Variants in RIGI observed in about 807,000 individuals in gnomAD.
The protein encoded by RIGI is RNA sensor RIG-I, also known as antiviral innate immune response receptor RIG-I.
the RIGI span, among the ~76,000 whole-genome samples, chr9:32,505,540 G>A: frequency 6.6e-6 from 1 of 152,066 alleles, no homozygotes; most frequent in Non-Finnish European, 1.5e-5. Context: ...GGACTTCATA[G>A]TTTTCTTCAT....
At chr9:32,498,009 G>C in the RIGI span, among the ~76,000 whole-genome samples, 3 of 152,138 alleles carry the variant, frequency 2.0e-5, no homozygotes, top group African/African-American at 7.2e-5. Flanking sequence ...GAGAAACAGT[G>C]CTTTCTCTGA....
the RIGI span, chr9:32,467,906 T>C: frequency 1.9e-6 from 3 of 1,608,310 alleles, no homozygotes; most frequent in Non-Finnish European, 2.6e-6. Flanking sequence ...GCATCCAATA[T>C]ACACTTCTGT....
At chr9:32,510,995 G>A in the RIGI span, among the ~76,000 whole-genome samples, 2 of 151,410 alleles carry the variant, frequency 1.3e-5, no homozygotes, top group African/African-American at 4.9e-5. Context: ...GAGAAAGAAG[G>A]GCATTATATA....
chr9:32,468,302 C>T, the RIGI span, among the ~76,000 whole-genome samples: 10 of 152,346 alleles, frequency 6.6e-5, no homozygotes, highest in South Asian at 2.1e-3. Context: ...AACATTTTCA[C>T]ATCTTCTCAC....
chr9:32,508,626 G>T, the RIGI span, among the ~76,000 whole-genome samples: 2 of 152,064 alleles, frequency 1.3e-5, no homozygotes, highest in African/African-American at 4.8e-5. Flanking sequence ...GATTCCCTCC[G>T]GTGCCTATGC....
chr9:32,498,322 G>C, the RIGI span: 2 of 456,578 alleles, frequency 4.4e-6, no homozygotes, highest in African/African-American at 2.0e-5. Flanking sequence ...CTGCCCAGGT[G>C]CATGCTTCTA....
the RIGI span, among the ~76,000 whole-genome samples, chr9:32,501,965 T>G: frequency 1.3e-5 from 2 of 152,186 alleles, no homozygotes; most frequent in Admixed American, 6.5e-5. Flanking sequence ...GACTACTATT[T>G]TAGTACATTT....
the RIGI span, chr9:32,492,296 C>A: frequency 7.3e-7 from 1 of 1,365,236 alleles, no homozygotes; most frequent in South Asian, 1.3e-5. Flanking sequence ...GTAGCTCTGG[C>A]TATCTGAGGG....
At chr9:32,514,259 T>C in the RIGI span, among the ~76,000 whole-genome samples, 2 of 152,130 alleles carry the variant, frequency 1.3e-5, no homozygotes, top group African/African-American at 4.8e-5. Flanking sequence ...CATTCTCCTA[T>C]AAAGACACAT....
At chr9:32,460,428 T>G in the RIGI span, among the ~76,000 whole-genome samples, 1 of 151,976 alleles carries the variant, frequency 6.6e-6, no homozygotes, top group African/African-American at 2.4e-5. Flanking sequence ...CTTAGAACCA[T>G]GGACATGATA....
chr9:32,459,227 T>G, the RIGI span: 1 of 1,044,156 alleles, frequency 9.6e-7, no homozygotes, highest in Non-Finnish European at 1.4e-6. Flanking sequence ...TATTTTTTTT[T>G]CACTTCTTAG....
the RIGI span, among the ~76,000 whole-genome samples, chr9:32,474,057 C>G: frequency 1.1e-4 from 17 of 151,858 alleles, no homozygotes; most frequent in Non-Finnish European, 2.5e-4. Flanking sequence ...TAAAAATTAG[C>G]TGGGTGTGGT....
At chr9:32,489,303 A>G in the RIGI span, 62 of 1,435,622 alleles carry the variant, frequency 4.3e-5, no homozygotes, top group Non-Finnish European at 7.7e-6. Context: ...AAAAAAAGGA[A>G]GCAAACAGAA....
chr9:32,487,466 C>G, the RIGI span: 2 of 1,613,570 alleles, frequency 1.2e-6, no homozygotes, highest in African/African-American at 2.7e-5. Context: ...TTGGATCCAA[C>G]TTACACTTCT....
the RIGI span, among the ~76,000 whole-genome samples, chr9:32,518,102 G>C: frequency 6.6e-6 from 1 of 152,044 alleles, no homozygotes; most frequent in Non-Finnish European, 1.5e-5. Context: ...AAGAATTCTA[G>C]TTCATATGTA....
At chr9:32,458,853 G>T in the RIGI span, among the ~76,000 whole-genome samples, 1 of 150,910 alleles carries the variant, frequency 6.6e-6, no homozygotes, top group Non-Finnish European at 1.5e-5. Flanking sequence ...TCTGTTCCAG[G>T]AGCTAATCCA....
the RIGI span, chr9:32,493,899 T>C: frequency 6.2e-7 from 1 of 1,608,674 alleles, no homozygotes. Flanking sequence ...TTTCAATTTT[T>C]TTGAAATCCC....
At chr9:32,525,934 G>A in the RIGI span, 406 of 777,984 alleles carry the variant, frequency 5.2e-4, 4 homozygotes, top group East Asian at 0.011. Context: ...AAAATGCTGC[G>A]GAGATCTTAC....
chr9:32,460,294 A>G, the RIGI span, among the ~76,000 whole-genome samples: 982 of 152,240 alleles, frequency 6.5e-3, 4 homozygotes, highest in African/African-American at 0.022. Flanking sequence ...ACAGACTAAT[A>G]CAGCCCCCAA....
Sources: gnomAD v4.1 joint callset for allele counts (sites outside exome capture counted in the v4.1 genomes callset) on GRCh38, gnomAD v4.1.1 for gene constraint, MANE v1.5 for transcripts, NCBI Gene and HGNC (gene_info 2026-07-23, HGNC 2026-07-21) for gene names.